The following SYT13 variants were observed in gnomAD, a reference collection of about 807,000 sequenced individuals.
SYT13 encodes the protein synaptotagmin-13.
A neutral mutation model predicts 38.6 loss-of-function variants in SYT13; 21 were observed. The ratio of observed to expected loss-of-function variants is 0.54; its 90% CI spans 0.39 to 0.78. The LOEUF is 0.78. Among genes scored for constraint, SYT13 ranks in the 30% least tolerant of loss-of-function variants. The probability of loss-of-function intolerance (pLI) is 0.00; values close to 1 mark genes in which losing one functional copy is unlikely to be tolerated. For missense variants in SYT13, 495 were observed against 548.7 expected (o/e 0.90, Z 0.98); for synonymous variants, 241 against 237.6 (o/e 1.01, Z -0.13).
chr11:45,275,399 T>C (rs1038839845), intron 1 of SYT13, among the ~76,000 whole-genome samples: 3 of 152,210 alleles, frequency 2.0e-5, no homozygotes, highest in Non-Finnish European at 2.9e-5. Context: ...TTCATTCATA[T>C]TCATATATGC....
At chr11:45,276,712 T>TAA (rs202057732) in intron 1 of SYT13, among the ~76,000 whole-genome samples, 10 of 131,334 alleles carry the variant, frequency 7.6e-5, no homozygotes, top group African/African-American at 2.4e-4. Context: ...GATGACTTTT[T>TAA]AAAAAAAAAA....
At position 45,242,923 on chromosome 11, in the gene SYT13, A is replaced by C. The variant is rs1854569133; in HGVS notation, c.*1129T>G. On this transcript the variant is annotated 3_prime_UTR_variant, in exon 6 of 6. Coordinates refer to ENST00000020926, the MANE Select transcript of SYT13 (RefSeq NM_020826.3). ...TTTACCCATTCAAGTGAAAACAGAC[A>C]GAGGGAGGCACAGTTGCAAAAGACC... The C allele has an allele frequency of 6.6e-6, 1 of 152,238 alleles. No homozygotes were observed. The highest frequency in any genetic ancestry group is 1.5e-5 in the Non-Finnish European group (1 of 68,040). The allele number at this position is 152,238 out of a possible 1,614,324, so 9.4% of individuals were successfully genotyped here.
chr11:45,245,025 C>T (rs1446001709), intron 5 of SYT13, among the ~76,000 whole-genome samples: 2 of 152,200 alleles, frequency 1.3e-5, no homozygotes, highest in African/African-American at 4.8e-5. Context: ...GCATGTTTGT[C>T]TGTTATCAAA....
chr11:45,285,076 G>C (rs115070798), intron 1 of SYT13, among the ~76,000 whole-genome samples: 138 of 152,158 alleles, frequency 9.1e-4, no homozygotes, highest in Non-Finnish European at 1.4e-3. Context: ...CCTTTAGGAG[G>C]TCCTTTAAGT....
intron 1 of SYT13, among the ~76,000 whole-genome samples, chr11:45,275,966 C>G (rs763657664): frequency 2.0e-5 from 3 of 152,170 alleles, no homozygotes; most frequent in Non-Finnish European, 4.4e-5. Context: ...ATTCCTCTCA[C>G]GAGACTCATG....
At chr11:45,262,912 A>T (rs192707626) in intron 1 of SYT13, among the ~76,000 whole-genome samples, 2 of 152,298 alleles carry the variant, frequency 1.3e-5, no homozygotes, top group Admixed American at 6.5e-5. Flanking sequence ...CAGGCAATGA[A>T]TTCTCCTTCC....
chr11:45,277,441 C>T (rs904997415), intron 1 of SYT13, among the ~76,000 whole-genome samples: 1 of 152,350 alleles, frequency 6.6e-6, no homozygotes, highest in East Asian at 1.9e-4. Flanking sequence ...GTACGTAGCT[C>T]AATGCCCCTC....
chr11:45,255,491 C>T (rs1854733121), intron 2 of SYT13, among the ~76,000 whole-genome samples, 175 bp downstream of exon 2: 1 of 152,204 alleles, frequency 6.6e-6, no homozygotes, highest in Non-Finnish European at 1.5e-5. Flanking sequence ...GGTATGGCAA[C>T]ATGTTGTCAG....
At chr11:45,270,444 G>A (rs1854935971) in intron 1 of SYT13, among the ~76,000 whole-genome samples, 1 of 152,044 alleles carries the variant, frequency 6.6e-6, no homozygotes, top group African/African-American at 2.4e-5. Context: ...AGAAGCTATA[G>A]GATTACATGA....
chr11:45,268,817 T>C (rs1854915537), intron 1 of SYT13, among the ~76,000 whole-genome samples: 1 of 152,158 alleles, frequency 6.6e-6, no homozygotes, highest in Non-Finnish European at 1.5e-5. Flanking sequence ...GTCCCATCTC[T>C]ACCCTCCTAG....
At position 45,252,757 on chromosome 11, in the gene SYT13, T is replaced by C. The variant is rs1854694821; in HGVS notation, c.545-35A>G. ...AGGAGAACAACACAGGCGTGGGACT[T>C]TCTGAGGACAAGTGGAGGGGGCAGA... On this transcript the variant is annotated intron_variant, in intron 3 of 5. Transcript: ENST00000020926. The surrounding 1 kb of genome is among the most constrained non-coding windows in gnomAD (Gnocchi z 4.3). 1.3e-6 allele frequency: 2 copies of C among 1,524,310 alleles called. No individual in the cohort carries two copies. The highest frequency in any genetic ancestry group is 1.8e-6 in the Non-Finnish European group (2 of 1,130,724). The allele number at this position is 1,524,310 out of a possible 1,614,324, so 94.4% of individuals were successfully genotyped here. A position where few individuals can be genotyped will look rare whatever the true frequency, so the allele number is the denominator to read the frequency against.
intron 1 of SYT13, among the ~76,000 whole-genome samples, chr11:45,259,187 C>G (rs1048324956): frequency 6.6e-6 from 1 of 152,188 alleles, no homozygotes; most frequent in African/African-American, 2.4e-5. Context: ...GGCACAAAAG[C>G]GTTCCCAGAG....
intron 1 of SYT13, among the ~76,000 whole-genome samples, chr11:45,265,223 A>G (rs565623832): frequency 6.6e-6 from 1 of 152,380 alleles, no homozygotes; most frequent in East Asian, 1.9e-4. Context: ...ATGCTGAGGA[A>G]AAGAAGACAG....
intron 1 of SYT13, among the ~76,000 whole-genome samples, chr11:45,276,876 T>C (rs986748997): frequency 4.6e-5 from 7 of 152,184 alleles, no homozygotes; most frequent in Non-Finnish European, 1.0e-4. Context: ...AGAATTACCA[T>C]ATGACCCAGC....
chr11:45,263,960 G>A (rs1485541234), intron 1 of SYT13, among the ~76,000 whole-genome samples: 1 of 152,184 alleles, frequency 6.6e-6, no homozygotes, highest in East Asian at 1.9e-4. Flanking sequence ...ACAGAGGCTA[G>A]CCCAGCCAAC....
intron 1 of SYT13, among the ~76,000 whole-genome samples, chr11:45,262,361 T>C (rs1289128508): frequency 1.3e-5 from 2 of 152,120 alleles, no homozygotes; most frequent in African/African-American, 4.8e-5. Flanking sequence ...AGATTTTTAG[T>C]TTTACAGCAC....
At chr11:45,254,034 G>A (rs758724969) in intron 3 of SYT13, 14 of 385,722 alleles carry the variant, frequency 3.6e-5, no homozygotes, top group Non-Finnish European at 5.9e-5. Flanking sequence ...AAGGAGTCTG[G>A]TCCTTGAATC....
At chr11:45,257,206 T>A (rs1220189260) in intron 1 of SYT13, among the ~76,000 whole-genome samples, 1 of 152,192 alleles carries the variant, frequency 6.6e-6, no homozygotes, top group Non-Finnish European at 1.5e-5. Context: ...TCACACAGCA[T>A]CTACAGAGAC....
intron 4 of SYT13, among the ~76,000 whole-genome samples, chr11:45,251,651 T>C (rs866652019): frequency 6.6e-6 from 1 of 152,164 alleles, no homozygotes; most frequent in Non-Finnish European, 1.5e-5. Context: ...TACCATCTTG[T>C]AGCCCTGACC....
Sources: gnomAD v4.1 joint callset for allele counts (sites outside exome capture counted in the v4.1 genomes callset) on GRCh38, gnomAD v4.1.1 for gene constraint, Gnocchi (gnomAD v3.1) non-coding constraint, MANE v1.5 for transcripts, NCBI Gene and HGNC (gene_info 2026-07-23, HGNC 2026-07-21) for gene names.